The following PDE8B variants were observed in gnomAD, a reference collection of about 807,000 sequenced individuals.
PDE8B encodes the protein high affinity cAMP-specific and IBMX-insensitive 3',5'-cyclic phosphodiesterase 8B.
A neutral mutation model predicts 101.3 loss-of-function variants in PDE8B; 26 were observed. The observed-to-expected ratio is 0.26, with a 90% CI of 0.19 to 0.36. The LOEUF (loss-of-function observed/expected upper bound fraction) is 0.36. Among genes scored for constraint, PDE8B ranks in the 10% least tolerant of loss-of-function variants. PDE8B has a pLI of 1.00. For synonymous variants in PDE8B, 424 were observed against 429.3 expected (o/e 0.99, Z 0.15); for missense variants, 810 against 1,163.1 (o/e 0.70, Z 4.42).
the PDE8B span, among the ~76,000 whole-genome samples, chr5:77,199,443 T>C: frequency 6.6e-6 from 1 of 152,202 alleles, no homozygotes; most frequent in Admixed American, 6.5e-5. Context: ...ACCTAACATG[T>C]CACTTTCACT....
chr5:77,125,625 A>C, the PDE8B span, among the ~76,000 whole-genome samples: 2 of 152,366 alleles, frequency 1.3e-5, no homozygotes, highest in South Asian at 4.1e-4. Flanking sequence ...ATCTTTTTAA[A>C]GACAAGAAAT....
At chr5:77,137,162 G>T in the PDE8B span, among the ~76,000 whole-genome samples, 1 of 152,152 alleles carries the variant, frequency 6.6e-6, no homozygotes, top group Non-Finnish European at 1.5e-5. Context: ...TTTGCTGACA[G>T]GGGAAAGGAG....
chr5:77,125,500 G>A, the PDE8B span, among the ~76,000 whole-genome samples: 1 of 152,156 alleles, frequency 6.6e-6, no homozygotes, highest in Non-Finnish European at 1.5e-5. Flanking sequence ...GACTCAAATA[G>A]ATACTTGTAC....
chr5:77,410,037 G>C (rs193145980), intron 14 of PDE8B, among the ~76,000 whole-genome samples: 2 of 152,234 alleles, frequency 1.3e-5, no homozygotes, highest in South Asian at 4.1e-4. Flanking sequence ...GGTTCTGGGA[G>C]CAAGCCATGT....
intron 20 of PDE8B, among the ~76,000 whole-genome samples, chr5:77,423,906 G>T (rs1797305476): frequency 6.6e-6 from 1 of 151,836 alleles, no homozygotes; most frequent in South Asian, 2.1e-4. Context: ...CAAAGTGCTA[G>T]GATTACAGGC....
chr5:77,183,691 G>T, the PDE8B span, among the ~76,000 whole-genome samples: 4 of 152,060 alleles, frequency 2.6e-5, no homozygotes, highest in Admixed American at 2.6e-4. Flanking sequence ...AACATGATCT[G>T]GGTGTCTTTT....
chr5:77,345,485 A>G (rs967094039), intron 7 of PDE8B, among the ~76,000 whole-genome samples: 2 of 152,210 alleles, frequency 1.3e-5, no homozygotes, highest in Non-Finnish European at 2.9e-5. Context: ...TCTTTTGACC[A>G]TCTGTGAAGA....
At chr5:77,260,157 CAAAAA>C (rs66923234) in intron 1 of PDE8B, among the ~76,000 whole-genome samples, 1 of 100,980 alleles carries the variant, frequency 9.9e-6, no homozygotes. Flanking sequence ...AACTCCATCA[CAAAAA>C]AAAAAAAAAA....
chr5:77,184,309 A>G, the PDE8B span, among the ~76,000 whole-genome samples: 1 of 152,174 alleles, frequency 6.6e-6, no homozygotes, highest in African/African-American at 2.4e-5. Flanking sequence ...CCTTCCCTAA[A>G]TGAAATGTAA....
intron 10 of PDE8B, among the ~76,000 whole-genome samples, chr5:77,370,086 C>A (rs1240395048): frequency 6.6e-6 from 1 of 152,106 alleles, no homozygotes; most frequent in Non-Finnish European, 1.5e-5. Context: ...AAATAAATTT[C>A]ATCTATTAGT....
chr5:77,251,220 T>A (rs1757993257), intron 1 of PDE8B, among the ~76,000 whole-genome samples: 1 of 152,234 alleles, frequency 6.6e-6, no homozygotes. Context: ...TGCTAAGAAG[T>A]GGCAATTCTG....
At position 77,406,949 on chromosome 5, in the gene PDE8B, A is replaced by G. The variant is rs377335262; in HGVS notation, c.1289-432A>G. On this transcript the variant is annotated intron_variant, in intron 12 of 21. Coordinates refer to ENST00000264917, the MANE Select transcript of PDE8B (RefSeq NM_003719.5). The stretch of plus-strand genomic sequence containing the variant: ...TCAATCCTCCGCCCTGACCCTAACC[A>G]TGAACTGCCTCCCCTCTCAAGCTGG... Among the ~76,000 whole-genome samples the G allele has an allele frequency of 2.2e-4, 33 of 152,234 alleles. No homozygotes were observed. The East Asian group carries it at 5.2e-3, about 24-fold the overall frequency.
chr5:77,378,048 A>ACACACAC (rs1347483439), intron 10 of PDE8B, among the ~76,000 whole-genome samples: 3 of 93,848 alleles, frequency 3.2e-5, no homozygotes, highest in African/African-American at 6.0e-5. Flanking sequence ...ACACACACAC[A>ACACACAC]CCCCCTGTTG....
At chr5:77,148,690 G>A in the PDE8B span, among the ~76,000 whole-genome samples, 2 of 152,068 alleles carry the variant, frequency 1.3e-5, no homozygotes, top group Non-Finnish European at 1.5e-5. Flanking sequence ...TAGTGAAATG[G>A]CTATTCAAAT....
chr5:77,255,634 A>G (rs1758979426), intron 1 of PDE8B, among the ~76,000 whole-genome samples: 2 of 152,156 alleles, frequency 1.3e-5, no homozygotes, highest in Admixed American at 6.5e-5. Context: ...TCTGCCTTGC[A>G]GCCACTGAGG....
At chr5:77,173,819 G>A in the PDE8B span, among the ~76,000 whole-genome samples, 7 of 152,108 alleles carry the variant, frequency 4.6e-5, no homozygotes, top group African/African-American at 1.4e-4. Flanking sequence ...TGTCTGGGGC[G>A]GGGGTGGTGG....
intron 1 of PDE8B, among the ~76,000 whole-genome samples, chr5:77,213,269 T>G (rs945473152): frequency 2.0e-5 from 3 of 152,244 alleles, no homozygotes; most frequent in African/African-American, 7.2e-5. Flanking sequence ...CTTAATTCAC[T>G]CTAACCCATT....
chr5:77,100,965 C>CTTTTT, the PDE8B span, among the ~76,000 whole-genome samples: 2 of 124,412 alleles, frequency 1.6e-5, no homozygotes, highest in African/African-American at 3.1e-5. Context: ...ATTTTTTTTC[C>CTTTTT]TTTTTTTTTT....
chr5:77,206,256 C>T (rs1287372880), upstream of PDE8B, among the ~76,000 whole-genome samples: 1 of 152,162 alleles, frequency 6.6e-6, no homozygotes, highest in African/African-American at 2.4e-5. Flanking sequence ...AGCCCCCAAA[C>T]CCCTGCCTTT....
Sources: gnomAD v4.1 joint callset for allele counts (sites outside exome capture counted in the v4.1 genomes callset) on GRCh38, gnomAD v4.1.1 for gene constraint, MANE v1.5 for transcripts, NCBI Gene and HGNC (gene_info 2026-07-23, HGNC 2026-07-21) for gene names.